NSG2: variants seen among roughly 807,000 people sequenced by gnomAD.
The protein encoded by NSG2 is neuronal vesicle trafficking associated 2, also known as neuronal vesicle trafficking-associated protein 2.
Under a neutral mutation model 16.9 loss-of-function variants are expected in NSG2, and 4 were observed. The ratio of observed to expected loss-of-function variants is 0.24; its 90% CI spans 0.12 to 0.54. The LOEUF is 0.54. NSG2 is among the 20% of genes least tolerant of loss of function. The probability of loss-of-function intolerance (pLI) is 0.95; values close to 1 mark genes in which losing one functional copy is unlikely to be tolerated. For synonymous variants in NSG2, 98 were observed against 88.7 expected, an observed-to-expected ratio of 1.11 and a Z score of -0.59; for missense variants, 179 against 221.1, an observed-to-expected ratio of 0.81 and a Z score of 1.21.
In NSG2 at chr5:174,109,018, T is replaced by C. The variant is rs1761027771; in HGVS notation, c.*1513T>C. ...ACCCTGAGTCACCTGTAAATTCATT[T>C]GTCATTCAAAGCGGAATAACAAGTT... On this transcript the variant is annotated 3_prime_UTR_variant, in exon 5 of 5. Transcript: ENST00000303177. 2 of 152,824 alleles carry C rather than the reference T, an allele frequency of 1.3e-5. No homozygotes were observed. Among genetic ancestry groups the C allele is most frequent in the African/African-American group, 4.8e-5 (2 of 41,460 alleles). The allele number at this position is 152,824 out of a possible 1,614,324, so 9.5% of individuals were successfully genotyped here. A position where few individuals can be genotyped will look rare whatever the true frequency, so the allele number is the denominator to read the frequency against.
At position 174,046,853 on chromosome 5, in the gene NSG2, T is replaced by G; in HGVS notation, c.98T>G (p.Val33Gly). The part of the protein sequence containing the change: ...QTVPLITPLE[V>G]NHLQLPAPEK... ...GTCCCTCTCATCACTCCCTTGGAGGTTAATCACTTACAGCTGCCTGCTCCA... is the reference window on the plus strand; with the variant it reads ...GTCCCTCTCATCACTCCCTTGGAGGGTAATCACTTACAGCTGCCTGCTCCA... The change falls in exon 2 of 5, where the codon GTT (valine) becomes GGT (glycine). Residue 33 changes from valine to glycine, a missense_variant. Transcript: ENST00000303177. 4.3e-6 allele frequency: 7 copies of G among 1,614,018 alleles called. No homozygotes were observed. The highest frequency in any genetic ancestry group is 5.9e-6 in the Non-Finnish European group (7 of 1,179,984).
chr5:174,103,017 G>T (rs994919273), intron 3 of NSG2, among the ~76,000 whole-genome samples: 3 of 143,884 alleles, frequency 2.1e-5, no homozygotes, highest in Non-Finnish European at 4.5e-5. Context: ...ACGAACTCCT[G>T]ACCTCAAGTG....
chr5:174,063,952 A>C (rs534948448), intron 2 of NSG2, among the ~76,000 whole-genome samples: 1 of 152,354 alleles, frequency 6.6e-6, no homozygotes, highest in Admixed American at 6.5e-5. Flanking sequence ...CATCTCATAA[A>C]ATATATATTT....
chr5:174,068,978 C>T (rs902133618), intron 3 of NSG2, among the ~76,000 whole-genome samples: 5 of 140,640 alleles, frequency 3.6e-5, no homozygotes, highest in African/African-American at 1.4e-4. Context: ...ATGGAGGGTG[C>T]TGGTGTCTTG....
chr5:174,058,138 G>C (rs577344487), intron 2 of NSG2, among the ~76,000 whole-genome samples: 2 of 152,334 alleles, frequency 1.3e-5, no homozygotes, highest in East Asian at 3.9e-4. Flanking sequence ...CTAAGTTGGG[G>C]ATTACATGGC....
At chr5:174,058,689 C>T (rs1435528778) in intron 2 of NSG2, among the ~76,000 whole-genome samples, 1 of 152,144 alleles carries the variant, frequency 6.6e-6, no homozygotes, top group East Asian at 1.9e-4. Flanking sequence ...AGAGAACAAG[C>T]TTGTCAAAAA....
intron 2 of NSG2, among the ~76,000 whole-genome samples, chr5:174,054,677 C>A (rs1375252248): frequency 6.6e-6 from 1 of 152,154 alleles, no homozygotes; most frequent in Non-Finnish European, 1.5e-5. Flanking sequence ...CTACACCTGG[C>A]CTCAGATTTT....
At chr5:174,098,978 G>C (rs541033672) in intron 3 of NSG2, among the ~76,000 whole-genome samples, 1 of 152,308 alleles carries the variant, frequency 6.6e-6, no homozygotes, top group African/African-American at 2.4e-5. Flanking sequence ...TATATAAACC[G>C]AGTCAATAAA....
chr5:174,096,749 C>G (rs1017493428), intron 3 of NSG2, among the ~76,000 whole-genome samples: 3 of 152,196 alleles, frequency 2.0e-5, no homozygotes, highest in Admixed American at 2.0e-4. Context: ...TAAGCTGTGT[C>G]AGAGGCAGAA....
chr5:174,068,942 C>T (rs1325401883), intron 3 of NSG2, among the ~76,000 whole-genome samples: 4 of 150,818 alleles, frequency 2.7e-5, no homozygotes, highest in Non-Finnish European at 4.4e-5. Context: ...CATGGGGATC[C>T]TGGTGCTGTG....
intron 3 of NSG2, among the ~76,000 whole-genome samples, chr5:174,099,471 C>G (rs1172791860): frequency 1.3e-5 from 2 of 152,156 alleles, no homozygotes; most frequent in Non-Finnish European, 2.9e-5. Context: ...TCAGCCATCC[C>G]CCTGCAAACA....
At position 174,052,208 on chromosome 5, in the gene NSG2, G is replaced by C. The variant is rs1048033153; in HGVS notation, c.129+5324G>C. 3.4e-4 allele frequency among the ~76,000 whole-genome samples: 52 copies of C among 152,128 alleles called. 1 individual carries two copies. The highest frequency in any genetic ancestry group is 8.8e-5 in the Non-Finnish European group (6 of 68,018). The stretch of plus-strand genomic sequence containing the variant: ...TGACTGAGTTGCCTGAAGCACCCCC[G>C]ATATGGGAGTAGAAGAAAGGAATGG... On this transcript the variant is annotated intron_variant, in intron 2 of 4. Transcript: ENST00000303177.
At chr5:174,077,127 A>G (rs1760357990) in intron 3 of NSG2, among the ~76,000 whole-genome samples, 1 of 152,250 alleles carries the variant, frequency 6.6e-6, no homozygotes. Context: ...GCACAACCCT[A>G]AACAGACCCA....
At chr5:174,060,109 G>A (rs72814775) in intron 2 of NSG2, among the ~76,000 whole-genome samples, 18,235 of 152,184 alleles carry the variant, frequency 0.12, 1,438 homozygotes, top group Non-Finnish European at 0.18. Context: ...GGTTGAAGAA[G>A]GAGATGGATG....
intron 3 of NSG2, among the ~76,000 whole-genome samples, chr5:174,083,633 T>C (rs751720430): frequency 6.6e-6 from 1 of 152,208 alleles, no homozygotes; most frequent in Non-Finnish European, 1.5e-5. Context: ...AAGCTCCTTT[T>C]TTCTTTTTAG....
At chr5:174,094,717 C>G (rs1006222102) in intron 3 of NSG2, among the ~76,000 whole-genome samples, 6 of 152,198 alleles carry the variant, frequency 3.9e-5, no homozygotes, top group African/African-American at 1.4e-4. Flanking sequence ...ACAAACTATA[C>G]TTCAGATGAC....
intron 2 of NSG2, among the ~76,000 whole-genome samples, chr5:174,057,090 C>A (rs1759977718): frequency 6.6e-6 from 1 of 152,156 alleles, no homozygotes; most frequent in African/African-American, 2.4e-5. Context: ...TTGCCCAAAT[C>A]CACAGTCATA....
chr5:174,094,990 A>G (rs1335782925), intron 3 of NSG2, among the ~76,000 whole-genome samples: 1 of 152,230 alleles, frequency 6.6e-6, no homozygotes, highest in Non-Finnish European at 1.5e-5. Context: ...GCTAAGTGGT[A>G]GATGGATGCA....
chr5:174,055,840 C>T (rs1459568377), intron 2 of NSG2, among the ~76,000 whole-genome samples: 1 of 152,182 alleles, frequency 6.6e-6, no homozygotes, highest in Non-Finnish European at 1.5e-5. Context: ...CGCTCTATGC[C>T]TCAGTCTCCC....
Sources: gnomAD v4.1 joint callset for allele counts (sites outside exome capture counted in the v4.1 genomes callset) on GRCh38, gnomAD v4.1.1 for gene constraint, MANE v1.5 for transcripts, NCBI Gene and HGNC (gene_info 2026-07-23, HGNC 2026-07-21) for gene names.